The following CDCA4 variants were observed in gnomAD, a reference collection of about 807,000 sequenced individuals.
The protein encoded by CDCA4 is cell division cycle-associated protein 4.
For synonymous variants in CDCA4, 130 were observed against 137.0 expected (o/e 0.95, Z 0.36); for missense variants, 294 against 322.1 (o/e 0.91, Z 0.67).
At chr14:105,019,397 G>C (rs535022797) in intron 1 of CDCA4, among the ~76,000 whole-genome samples, 4 of 152,192 alleles carry the variant, frequency 2.6e-5, no homozygotes, top group Admixed American at 2.6e-4. Flanking sequence ...GCAATACCAC[G>C]AGGCTGGCTG....
intron 1 of CDCA4, among the ~76,000 whole-genome samples, chr14:105,014,289 G>C (rs1234060348): frequency 1.3e-5 from 2 of 152,234 alleles, no homozygotes; most frequent in Non-Finnish European, 2.9e-5. Flanking sequence ...CCTGGGGCCT[G>C]GCTGTGCATC....
intron 1 of CDCA4, among the ~76,000 whole-genome samples, chr14:105,020,754 C>A (rs899215986): frequency 6.6e-6 from 1 of 152,058 alleles, no homozygotes; most frequent in African/African-American, 2.4e-5. Flanking sequence ...GGAACGCAGA[C>A]GGCGGCCCGG....
intron 1 of CDCA4, among the ~76,000 whole-genome samples, chr14:105,016,028 T>G (rs1383466298): frequency 6.6e-6 from 1 of 152,152 alleles, no homozygotes; most frequent in Non-Finnish European, 1.5e-5. Flanking sequence ...ATCCCTGAGC[T>G]TCCCTGGATT....
chr14:105,015,150 T>C (rs2140909914), intron 1 of CDCA4, among the ~76,000 whole-genome samples: 1 of 152,148 alleles, frequency 6.6e-6, no homozygotes, highest in East Asian at 1.9e-4. Context: ...TTCCTCTGAG[T>C]CCTTAGAAAT....
rs1307312992 is a variant in CDCA4, at chr14:105,009,644, A to G, written c.*1560T>C. On this transcript the variant is annotated 3_prime_UTR_variant, in exon 2 of 2. Coordinates refer to ENST00000336219, the MANE Select transcript of CDCA4 (RefSeq NM_017955.4). ...AAAATAGTGCTTTAGATTTATTCCT[A>G]TAAAACACATACCCTTTAAACTAGG... 1 of 152,226 alleles carries G rather than the reference A, an allele frequency of 6.6e-6. No individual in the cohort carries two copies. Among genetic ancestry groups the G allele is most frequent in the Non-Finnish European group, 1.5e-5 (1 of 68,036 alleles). The allele number at this position is 152,226 out of a possible 1,614,324, so 9.4% of individuals were successfully genotyped here.
chr14:105,015,959 C>T (rs1351960648), intron 1 of CDCA4, among the ~76,000 whole-genome samples: 2 of 152,206 alleles, frequency 1.3e-5, no homozygotes, highest in East Asian at 3.8e-4. Context: ...CGTGCCAGGC[C>T]AGGAGCCCCA....
At chr14:105,020,290 GT>G (rs1595456623) in intron 1 of CDCA4, among the ~76,000 whole-genome samples, 1 of 152,256 alleles carries the variant, frequency 6.6e-6, no homozygotes, top group East Asian at 1.9e-4. Flanking sequence ...TGAGAGAACG[GT>G]TATCTGGGTC....
intron 1 of CDCA4, among the ~76,000 whole-genome samples, chr14:105,012,617 G>A (rs1341542112): frequency 1.3e-5 from 2 of 152,334 alleles, no homozygotes; most frequent in East Asian, 3.9e-4. Flanking sequence ...TCTGTGTTTC[G>A]TGCACAATTC....
rs1160640362 is a variant in CDCA4, at chr14:105,011,375, G to A, written c.555C>T (p.Asp185=). The change falls in exon 2 of 2, where the codon GAC becomes GAT. Residue 185 remains aspartate (D), a synonymous_variant. Coordinates refer to ENST00000336219, the MANE Select transcript of CDCA4 (RefSeq NM_017955.4). ...SCMEELFSDV[D]SPYYDLDTVL... ...CTGTGTCCAGGTCGTAGTAGGGGCT[G>A]TCCACGTCTGAGAACAGCTCTTCCA... 1.2e-6 allele frequency: 2 copies of A among 1,614,220 alleles called. No homozygotes were observed. The highest frequency in any genetic ancestry group is 1.7e-6 in the Non-Finnish European group (2 of 1,180,028).
intron 1 of CDCA4, among the ~76,000 whole-genome samples, chr14:105,012,488 C>T (rs1190563941): frequency 1.3e-5 from 2 of 152,236 alleles, no homozygotes; most frequent in African/African-American, 2.4e-5. Flanking sequence ...TGCCTTCCCC[C>T]TCAATGCTTT....
intron 1 of CDCA4, among the ~76,000 whole-genome samples, chr14:105,012,270 G>T (rs957071869): frequency 6.6e-5 from 10 of 152,258 alleles, no homozygotes; most frequent in Non-Finnish European, 1.5e-4. Context: ...AAGTGTTCGA[G>T]AGCTTGGCTG....
At chr14:105,020,780 G>A (rs1595456918) in intron 1 of CDCA4, among the ~76,000 whole-genome samples, 1 of 151,850 alleles carries the variant, frequency 6.6e-6, no homozygotes, top group Admixed American at 6.6e-5. Flanking sequence ...TCTGTTCCCC[G>A]GGCCCCCTCA....
chr14:105,013,565 G>C (rs1900559978), intron 1 of CDCA4, among the ~76,000 whole-genome samples: 1 of 152,154 alleles, frequency 6.6e-6, no homozygotes. Context: ...GGTGCTCTTG[G>C]AAAGCTGGCG....
chr14:105,009,665 C>G lies in CDCA4; in HGVS notation c.*1539G>C, dbSNP rs958939319. On this transcript the variant is annotated 3_prime_UTR_variant, in exon 2 of 2. Coordinates refer to ENST00000336219, the MANE Select transcript of CDCA4 (RefSeq NM_017955.4). ...TCCTATAAAACACATACCCTTTAAA[C>G]TAGGGTCCATGAGGATTAACTTTCG... 1 of 152,202 alleles carries G rather than the reference C, an allele frequency of 6.6e-6. No homozygotes were observed. The highest frequency in any genetic ancestry group is 2.4e-5 in the African/African-American group (1 of 41,442). 9.4% of individuals were successfully genotyped at this position (152,202 alleles called of 1,614,324 possible). A position where few individuals can be genotyped will look rare whatever the true frequency, so the allele number is the denominator to read the frequency against.
chr14:105,020,324 C>G (rs1485771233), intron 1 of CDCA4, among the ~76,000 whole-genome samples: 1 of 152,256 alleles, frequency 6.6e-6, no homozygotes. Context: ...GCGTCCCACA[C>G]GAAGGCCACA....
chr14:105,014,889 C>T (rs187369264), intron 1 of CDCA4, among the ~76,000 whole-genome samples: 149 of 152,286 alleles, frequency 9.8e-4, no homozygotes, highest in Admixed American at 1.6e-3. Flanking sequence ...TCCTCTTGAA[C>T]AGCATGCATT....
chr14:105,012,056 G>A (rs1595452654), intron 1 of CDCA4, 121 bp from the exon 2 acceptor site: 2 of 1,166,386 alleles, frequency 1.7e-6, no homozygotes, highest in East Asian at 4.8e-5. Context: ...AACTGGCAGG[G>A]ACTTGACAGA....
At chr14:105,012,189 G>A (rs772946197) in intron 1 of CDCA4, among the ~76,000 whole-genome samples, 4 of 152,198 alleles carry the variant, frequency 2.6e-5, no homozygotes, top group African/African-American at 7.2e-5. Flanking sequence ...CCTCTCAACT[G>A]TACCACGACA....
At chr14:105,019,341 G>A (rs1886165863) in intron 1 of CDCA4, among the ~76,000 whole-genome samples, 1 of 152,168 alleles carries the variant, frequency 6.6e-6, no homozygotes. Flanking sequence ...ACAGCTCGGG[G>A]ACTGGTCCTT....
Sources: allele counts gnomAD v4.1 joint callset (sites outside exome capture counted in the v4.1 genomes callset), GRCh38; gene constraint gnomAD v4.1.1; transcripts MANE v1.5; gene names NCBI Gene and HGNC (gene_info 2026-07-23, HGNC 2026-07-21).